WDR72: variants seen among roughly 807,000 people sequenced by gnomAD.
WDR72 encodes the protein WD repeat-containing protein 72.
WDR72 carries 120 observed loss-of-function variants against 124.2 expected under a neutral mutation model. The observed-to-expected ratio is 0.97, with a 90% CI of 0.83 to 1.12. WDR72 has a LOEUF of 1.12. WDR72 is among the 50% of genes most tolerant of loss of function. The pLI is 0.00. For missense variants in WDR72, 1,387 were observed against 1,278.8 expected (o/e 1.08, Z -1.29); for synonymous variants, 452 against 441.7 (o/e 1.02, Z -0.29).
chr15:53,726,124 G>A lies in WDR72; in HGVS notation c.154-3216C>T, dbSNP rs140167641. On this transcript the variant is annotated intron_variant, in intron 2 of 19. Transcript: ENST00000360509. ...ATACATTTGTCAAATCCCATAAAAC[G>A]TACAATACCAAGAGTGAACCAATGC... Among the ~76,000 whole-genome samples, 394 of 148,942 alleles carry A rather than the reference G, an allele frequency of 2.6e-3. 4 individuals carry two copies. The highest frequency in any genetic ancestry group is 9.4e-3 in the African/African-American group (378 of 40,400).
At chr15:53,619,608 ATC>A (rs2013907598) in intron 14 of WDR72, among the ~76,000 whole-genome samples, 1 of 151,996 alleles carries the variant, frequency 6.6e-6, no homozygotes. Flanking sequence ...CTGAATACGC[ATC>A]TCTTAGAGGA....
intron 18 of WDR72, among the ~76,000 whole-genome samples, chr15:53,554,629 T>A (rs1893859940): frequency 6.6e-6 from 1 of 152,080 alleles, no homozygotes; most frequent in Admixed American, 6.6e-5. Flanking sequence ...ATGGGTGAGG[T>A]CCCATTCTAA....
intron 18 of WDR72, among the ~76,000 whole-genome samples, chr15:53,558,841 G>A (rs1894022301): frequency 6.6e-6 from 1 of 151,856 alleles, no homozygotes; most frequent in Admixed American, 6.6e-5. Flanking sequence ...TTTGTTTGAC[G>A]GGATTTTTAG....
chr15:53,757,975 TTTTCTCTC>T lies in WDR72; in HGVS notation c.-13+1650_-13+1657del, dbSNP rs1184720233. Among the ~76,000 whole-genome samples, 20 of 65,668 alleles carry T rather than the reference TTTTCTCTC, an allele frequency of 3.0e-4. No individual in the cohort carries two copies. The East Asian group carries it at 4.2e-3, about 14-fold the overall frequency. The allele number at this position is 65,668 out of a possible 152,430, so 43.1% of individuals were successfully genotyped here. On this transcript the variant is annotated intron_variant, in intron 1 of 19. Coordinates refer to ENST00000360509, the MANE Select transcript of WDR72 (RefSeq NM_182758.4). ...ACACAGGGAGAAACTTAAGAGTTTA[TTTTCTCTC>T]TCTCTCTCTCTCTCTCTCTCTCTCT...
chr15:53,571,592 A>G (rs1894527766), intron 18 of WDR72, among the ~76,000 whole-genome samples: 1 of 152,070 alleles, frequency 6.6e-6, no homozygotes, highest in Non-Finnish European at 1.5e-5. Context: ...TATATATGTC[A>G]CATTTTCCTT....
At chr15:53,631,247 C>T (rs1004933476) in intron 14 of WDR72, among the ~76,000 whole-genome samples, 1 of 152,120 alleles carries the variant, frequency 6.6e-6, no homozygotes, top group African/African-American at 2.4e-5. Context: ...CCCCCTCCCT[C>T]GCTCCTTCTC....
At chr15:53,574,642 T>C (rs1254838794) in intron 18 of WDR72, among the ~76,000 whole-genome samples, 1 of 152,202 alleles carries the variant, frequency 6.6e-6, no homozygotes, top group Non-Finnish European at 1.5e-5. Flanking sequence ...AAGAGACTAT[T>C]TTAGTATTTG....
At chr15:53,704,581 C>T (rs1166754600) in intron 11 of WDR72, among the ~76,000 whole-genome samples, 1 of 151,120 alleles carries the variant, frequency 6.6e-6, no homozygotes, top group Non-Finnish European at 1.5e-5. Context: ...GGCTGGAGTG[C>T]AGTGGCGTGA....
At chr15:53,733,966 T>C (rs2018277124) in intron 1 of WDR72, among the ~76,000 whole-genome samples, 2 of 152,176 alleles carry the variant, frequency 1.3e-5, no homozygotes, top group Non-Finnish European at 1.5e-5. Flanking sequence ...TTTAATCCCA[T>C]TAAAAATGTC....
intron 18 of WDR72, among the ~76,000 whole-genome samples, chr15:53,587,457 T>G (rs1351598223): frequency 2.6e-5 from 4 of 152,006 alleles, no homozygotes; most frequent in Non-Finnish European, 5.9e-5. Flanking sequence ...TATAACAGTA[T>G]GTTACTATAT....
chr15:53,597,328 G>C, intron 17 of WDR72, 54 bp from the exon 18 acceptor site: 1 of 1,568,338 alleles, frequency 6.4e-7, no homozygotes, highest in Non-Finnish European at 8.7e-7. Flanking sequence ...AAATGCTTGG[G>C]TATGTTGCAA....
intron 13 of WDR72, among the ~76,000 whole-genome samples, chr15:53,681,145 T>C (rs913166465): frequency 7.2e-5 from 11 of 152,214 alleles, no homozygotes; most frequent in Admixed American, 4.6e-4. Flanking sequence ...TCCAGTATCC[T>C]TTATCTCTCA....
chr15:53,668,996 A>AGGAGGG (rs781054932), intron 13 of WDR72, among the ~76,000 whole-genome samples: 1 of 105,148 alleles, frequency 9.5e-6, no homozygotes, highest in African/African-American at 3.1e-5. Context: ...AAGGAGGAGG[A>AGGAGGG]GAAGGAGAAG....
intron 18 of WDR72, among the ~76,000 whole-genome samples, chr15:53,537,223 G>T (rs1892810456): frequency 6.6e-6 from 1 of 152,174 alleles, no homozygotes; most frequent in Non-Finnish European, 1.5e-5. Context: ...GGCAAGGATT[G>T]TATTTGGTAA....
chr15:53,583,531 C>T (rs1203020873), intron 18 of WDR72, among the ~76,000 whole-genome samples: 3 of 151,944 alleles, frequency 2.0e-5, no homozygotes, highest in African/African-American at 7.2e-5. Context: ...GATGTTACCA[C>T]CTGGAGACCT....
At chr15:53,739,104 C>A (rs1483255993) in intron 1 of WDR72, among the ~76,000 whole-genome samples, 1 of 152,100 alleles carries the variant, frequency 6.6e-6, no homozygotes, top group Admixed American at 6.5e-5. Flanking sequence ...TACATAAATT[C>A]TCCTAAGTAA....
intron 3 of WDR72, among the ~76,000 whole-genome samples, chr15:53,717,301 T>C (rs1017379135): frequency 4.6e-5 from 7 of 152,218 alleles, no homozygotes; most frequent in Non-Finnish European, 1.5e-5. Flanking sequence ...TAGGGTAGTT[T>C]ATATGACTTC....
At chr15:53,555,974 C>A (rs996281685) in intron 18 of WDR72, among the ~76,000 whole-genome samples, 1 of 152,116 alleles carries the variant, frequency 6.6e-6, no homozygotes, top group African/African-American at 2.4e-5. Flanking sequence ...CATTATTATT[C>A]TCTAATATGT....
chr15:53,756,236 TG>T (rs1771802497), intron 1 of WDR72, among the ~76,000 whole-genome samples: 1 of 152,146 alleles, frequency 6.6e-6, no homozygotes, highest in South Asian at 2.1e-4. Context: ...CGAGATCTGA[TG>T]GTTTCATAAG....
Sources: allele counts gnomAD v4.1 joint callset (sites outside exome capture counted in the v4.1 genomes callset), GRCh38; gene constraint gnomAD v4.1.1; transcripts MANE v1.5; gene names NCBI Gene and HGNC (gene_info 2026-07-23, HGNC 2026-07-21).